VPS35L: variants seen among roughly 807,000 people sequenced by gnomAD.
VPS35L encodes the protein VPS35 endosomal protein sorting factor like.
In VPS35L, 83 loss-of-function variants were observed where a neutral mutation model predicts 133.0. That is an observed-to-expected ratio of 0.62 (90% CI 0.52 to 0.75). VPS35L has a LOEUF of 0.75. Among genes scored for constraint, VPS35L ranks in the 30% least tolerant of loss-of-function variants. The probability of loss-of-function intolerance (pLI) is 0.00; values close to 1 mark genes in which losing one functional copy is unlikely to be tolerated. For missense variants in VPS35L, 1,083 were observed against 1,206.8 expected (o/e 0.90, Z 1.52); for synonymous variants, 423 against 449.9 (o/e 0.94, Z 0.76).
chr16:19,655,943 T>A (rs570170804), intron 26 of VPS35L, among the ~76,000 whole-genome samples: 2 of 152,218 alleles, frequency 1.3e-5, no homozygotes, highest in East Asian at 3.9e-4. Flanking sequence ...TTTCTTTATC[T>A]TTACAGTTTA....
At chr16:19,557,028 A>G (rs907642534) in intron 1 of VPS35L, among the ~76,000 whole-genome samples, 3 of 152,120 alleles carry the variant, frequency 2.0e-5, no homozygotes, top group Admixed American at 2.0e-4. Context: ...GCTACTTGGG[A>G]GGGTGAGGCA....
At chr16:19,592,911 C>T (rs1402000421) in intron 8 of VPS35L, among the ~76,000 whole-genome samples, 1 of 152,042 alleles carries the variant, frequency 6.6e-6, no homozygotes, top group African/African-American at 2.4e-5. Flanking sequence ...GTCTCAAACT[C>T]CTGACCTCAA....
At chr16:19,565,011 T>C in intron 2 of VPS35L, 61 bp downstream of exon 2, 1 of 1,326,778 alleles carries the variant, frequency 7.5e-7, no homozygotes, top group African/African-American at 1.5e-5. Context: ...AAAGACAATC[T>C]TCCTGAGTCT....
intron 9 of VPS35L, 104 bp downstream of exon 9, chr16:19,601,827 T>G (rs1972393551): frequency 2.0e-5 from 24 of 1,223,514 alleles, no homozygotes; most frequent in South Asian, 1.1e-4. Context: ...GTTTTAATTT[T>G]GGGTGTGTTA....
Position 19,610,437 on chromosome 16 carries a change from C to T in VPS35L, c.1023+22C>T, listed in dbSNP as rs1972678471. 9 of 1,595,972 alleles carry T rather than the reference C, an allele frequency of 5.6e-6. No individual in the cohort carries two copies. The Admixed American group carries it at 1.3e-4, about 24-fold the overall frequency. ...CCGGGTAGGCCATGCGAGTCACTGC[C>T]CTTGACGGCACGGCTGCCACCCGTC... On this transcript the variant is annotated intron_variant, in intron 12 of 30. Transcript: ENST00000417362.
chr16:19,616,585 T>G, intron 13 of VPS35L, 101 bp from the exon 14 acceptor site: 2 of 1,432,066 alleles, frequency 1.4e-6, no homozygotes, highest in South Asian at 2.7e-5. Context: ...CTCAGGGCTG[T>G]CCACATGCTT....
chr16:19,630,569 C>T (rs8063631), intron 18 of VPS35L, among the ~76,000 whole-genome samples: 4 of 151,842 alleles, frequency 2.6e-5, no homozygotes, highest in South Asian at 4.2e-4. Context: ...CTCCTGAGCT[C>T]GCAATCAGCC....
intron 8 of VPS35L, among the ~76,000 whole-genome samples, chr16:19,592,364 G>A (rs1490551066): frequency 1.3e-5 from 2 of 151,880 alleles, no homozygotes. Context: ...ACAGGCATGA[G>A]CCACCATGCC....
chr16:19,634,784 GC>G (rs1468052261), intron 19 of VPS35L, among the ~76,000 whole-genome samples: 1 of 152,160 alleles, frequency 6.6e-6, no homozygotes, highest in East Asian at 1.9e-4. Context: ...TTGATGAGGA[GC>G]AGGATATTTG....
chr16:19,645,630 C>T (rs1487323842), intron 23 of VPS35L, among the ~76,000 whole-genome samples: 1 of 152,128 alleles, frequency 6.6e-6, no homozygotes, highest in Non-Finnish European at 1.5e-5. Flanking sequence ...TGTTGGCCTC[C>T]GGCTCAGCTG....
intron 3 of VPS35L, among the ~76,000 whole-genome samples, chr16:19,570,044 G>C (rs1289100027): frequency 1.3e-5 from 2 of 151,910 alleles, no homozygotes; most frequent in Non-Finnish European, 2.9e-5. Context: ...TTTTTTGTTT[G>C]AAAGCATTTT....
chr16:19,644,770 A>T lies in VPS35L; in HGVS notation c.1866-116A>T, dbSNP rs1175836022. The T allele has an allele frequency of 1.0e-5, 6 of 589,892 alleles. No individual in the cohort carries two copies. In the East Asian group the frequency reaches 1.5e-4, roughly 14 times the overall value. 36.5% of individuals were successfully genotyped at this position (589,892 alleles called of 1,614,324 possible). Reference sequence around the variant, plus strand: ...AAGCAGCCTGTTGGCAGTTTTTTAAATCTAGAAAATGCAAAATGTTCTTAC... The same window carrying T: ...AAGCAGCCTGTTGGCAGTTTTTTAATTCTAGAAAATGCAAAATGTTCTTAC... On this transcript the variant is annotated intron_variant, in intron 22 of 30. Transcript: ENST00000417362.
At chr16:19,601,589 C>G in intron 8 of VPS35L, 75 bp from the exon 9 acceptor site, 1 of 1,456,738 alleles carries the variant, frequency 6.9e-7, no homozygotes, top group Non-Finnish European at 9.5e-7. Context: ...CTCTGGGTCC[C>G]TAATTAACAA....
chr16:19,674,941 C>G (rs1008573590), intron 27 of VPS35L, among the ~76,000 whole-genome samples: 4 of 147,984 alleles, frequency 2.7e-5, no homozygotes, highest in South Asian at 2.1e-4. Flanking sequence ...ATAATGTTTT[C>G]TTTTCTTTTC....
At chr16:19,667,514 G>A (rs1226136479) in intron 26 of VPS35L, among the ~76,000 whole-genome samples, 1 of 152,026 alleles carries the variant, frequency 6.6e-6, no homozygotes, top group African/African-American at 2.4e-5. Flanking sequence ...CAGGCAGATC[G>A]CTTGAGCTCA....
rs575610636 is a variant in VPS35L at position 19,670,615 on chromosome 16, C to T, written c.2361+1316C>T. 7.9e-5 allele frequency among the ~76,000 whole-genome samples: 12 copies of T among 152,248 alleles called. No homozygotes were observed. In the South Asian group the frequency reaches 2.5e-3, roughly 32 times the overall value. ...GGCAAATAACAGAAACTAAACATAG[C>T]AGAAATTAAGAGGGGCATTGTTGGA... On this transcript the variant is annotated intron_variant, in intron 27 of 30. Transcript: ENST00000417362.
At chr16:19,663,852 G>C (rs1205457726) in intron 26 of VPS35L, among the ~76,000 whole-genome samples, 10 of 151,834 alleles carry the variant, frequency 6.6e-5, no homozygotes, top group Admixed American at 6.6e-4. Context: ...AGCATCTTCA[G>C]CTAAGCCCTT....
Position 19,601,675 on chromosome 16 carries a change from T to C in VPS35L, c.736T>C (p.Tyr246His). 2 of 1,614,192 alleles carry C rather than the reference T, an allele frequency of 1.2e-6. No individual in the cohort carries two copies. The highest frequency in any genetic ancestry group is 2.2e-5 in the South Asian group (2 of 91,080). ...CCTTTTCCTCCCAGGAAAGCTCGTG[T>C]ACGAGCGCATCTTTTCCATGTGTGT... ...DILDTFGKLV[Y>H]ERIFSMCVDS... Residue 246 changes from tyrosine (Y) to histidine (H), a missense_variant, in exon 9 of 31, where the codon TAC (tyrosine) becomes CAC (histidine). Coordinates refer to ENST00000417362, the MANE Select transcript of VPS35L (RefSeq NM_020314.7).
intron 8 of VPS35L, among the ~76,000 whole-genome samples, chr16:19,595,152 G>A (rs1365170390): frequency 2.0e-5 from 3 of 152,174 alleles, no homozygotes; most frequent in Non-Finnish European, 4.4e-5. Flanking sequence ...CTTTGACTCT[G>A]ACTCTGAGGA....
Sources: allele counts gnomAD v4.1 joint callset (sites outside exome capture counted in the v4.1 genomes callset), GRCh38; gene constraint gnomAD v4.1.1; transcripts MANE v1.5; gene names NCBI Gene and HGNC (gene_info 2026-07-23, HGNC 2026-07-21).